The following CDH13 variants were observed in gnomAD, a reference collection of about 807,000 sequenced individuals.
CDH13 encodes cadherin-13.
In CDH13, 24 loss-of-function variants were observed where a neutral mutation model predicts 63.8. The ratio of observed to expected loss-of-function variants is 0.38; its 90% CI spans 0.27 to 0.53. CDH13 has a LOEUF of 0.53. CDH13 is among the 20% of genes least tolerant of loss of function. The pLI, the probability that CDH13 is intolerant of heterozygous loss-of-function variation, is 0.85. For synonymous variants in CDH13, 503 were observed against 355.3 expected, an observed-to-expected ratio of 1.42 and a Z score of -4.67; for missense variants, 1,049 against 903.1, an observed-to-expected ratio of 1.16 and a Z score of -2.07.
chr16:83,415,906 C>T (rs182474704), intron 6 of CDH13, among the ~76,000 whole-genome samples: 144 of 152,066 alleles, frequency 9.5e-4, no homozygotes, highest in African/African-American at 3.3e-3. Context: ...CTCACAGGAG[C>T]AAGTAGGCAA....
At chr16:83,098,169 C>G (rs140244362) in intron 3 of CDH13, among the ~76,000 whole-genome samples, 1 of 152,264 alleles carries the variant, frequency 6.6e-6, no homozygotes, top group Non-Finnish European at 1.5e-5. Flanking sequence ...CTTTGTCATC[C>G]TAGTGGTTGC....
rs79226665 is a variant in CDH13 at position 83,445,107 on chromosome 16, T to C, written c.782-41370T>C. Among the ~76,000 whole-genome samples the C allele has an allele frequency of 5.4e-3, 825 of 152,284 alleles. 8 individuals carry two copies. Among genetic ancestry groups the C allele is most frequent in the African/African-American group, 0.019 (800 of 41,558 alleles). On this transcript the variant is annotated intron_variant, in intron 6 of 13. Coordinates refer to ENST00000567109, the MANE Select transcript of CDH13 (RefSeq NM_001257.5). ...TGATATTTTTCATGGCAGTGGAGTC[T>C]GAATAAACTCACAGGTGTGACCTCC...
chr16:83,228,809 G>T (rs1597558084), intron 5 of CDH13, among the ~76,000 whole-genome samples: 1 of 152,154 alleles, frequency 6.6e-6, no homozygotes, highest in South Asian at 2.1e-4. Flanking sequence ...GACAAATGAT[G>T]GAGGATTTTA....
At chr16:83,722,758 T>C (rs1434768648) in intron 10 of CDH13, among the ~76,000 whole-genome samples, 1 of 152,212 alleles carries the variant, frequency 6.6e-6, no homozygotes, top group Non-Finnish European at 1.5e-5. Context: ...CTGAGCTATT[T>C]GGAAACCAGG....
chr16:82,961,428 C>T (rs1906969145), intron 2 of CDH13, among the ~76,000 whole-genome samples: 2 of 152,060 alleles, frequency 1.3e-5, no homozygotes, highest in Non-Finnish European at 2.9e-5. Context: ...GGTAAATCTT[C>T]TCCATACATA....
At chr16:83,396,583 A>T (rs2091890038) in intron 6 of CDH13, 2 of 152,094 alleles carry the variant, frequency 1.3e-5, no homozygotes, top group South Asian at 4.2e-4. Flanking sequence ...GTTAAGCTCT[A>T]TGTTGGCTTT....
At chr16:83,501,775 T>C (rs894218680) in intron 7 of CDH13, among the ~76,000 whole-genome samples, 1 of 152,212 alleles carries the variant, frequency 6.6e-6, no homozygotes, top group African/African-American at 2.4e-5. Flanking sequence ...GCACGGGACA[T>C]ATTGATGGAA....
chr16:83,037,497 G>A (rs1439741320), intron 3 of CDH13, among the ~76,000 whole-genome samples: 1 of 152,200 alleles, frequency 6.6e-6, no homozygotes, highest in African/African-American at 2.4e-5. Flanking sequence ...AGATTTGCCA[G>A]AAAGGAAGAA....
At chr16:83,374,894 A>T (rs530332393) in intron 6 of CDH13, among the ~76,000 whole-genome samples, 2 of 152,298 alleles carry the variant, frequency 1.3e-5, no homozygotes, top group Admixed American at 1.3e-4. Context: ...CCTTTCTACC[A>T]CATCCAAATG....
chr16:82,717,372 G>T (rs1324357453), intron 1 of CDH13, among the ~76,000 whole-genome samples: 2 of 150,542 alleles, frequency 1.3e-5, no homozygotes, highest in African/African-American at 4.9e-5. Context: ...GGAGGCGGAG[G>T]TTGCAGTGGA....
At chr16:83,493,329 A>G (rs913086215) in intron 7 of CDH13, among the ~76,000 whole-genome samples, 2 of 152,240 alleles carry the variant, frequency 1.3e-5, no homozygotes, top group African/African-American at 4.8e-5. Flanking sequence ...AAATTGAATG[A>G]AAGACAGAGC....
chr16:83,140,940 G>C (rs968702370), intron 4 of CDH13, among the ~76,000 whole-genome samples: 1 of 152,168 alleles, frequency 6.6e-6, no homozygotes. Flanking sequence ...AAAATGACCA[G>C]TTATCTTGGT....
intron 6 of CDH13, among the ~76,000 whole-genome samples, chr16:83,461,556 T>C (rs1040438162): frequency 1.3e-5 from 2 of 152,110 alleles, no homozygotes; most frequent in African/African-American, 4.8e-5. Flanking sequence ...GCACAAACAA[T>C]ATTGGGGTCT....
chr16:83,796,844 A>G lies in CDH13; in HGVS notation c.*1814A>G, dbSNP rs1448559819. The stretch of plus-strand genomic sequence containing the variant: ...TATAAAGGTAATTGCATACTCAAAG[A>G]TGAGACGGACCATTCTCAGTTGATG... On this transcript the variant is annotated 3_prime_UTR_variant, in exon 14 of 14. Transcript: ENST00000567109. 1 of 152,188 alleles carries G rather than the reference A, an allele frequency of 6.6e-6. No homozygotes were observed. Among genetic ancestry groups the G allele is most frequent in the Non-Finnish European group, 1.5e-5 (1 of 68,038 alleles). 9.4% of individuals were successfully genotyped at this position (152,188 alleles called of 1,614,324 possible).
chr16:82,746,523 T>C (rs532931219), intron 1 of CDH13, among the ~76,000 whole-genome samples: 1 of 152,124 alleles, frequency 6.6e-6, no homozygotes, highest in South Asian at 2.1e-4. Flanking sequence ...TTTTTAAAAA[T>C]CGGGTTATTA....
chr16:83,045,321 T>C (rs1917675843), intron 3 of CDH13, among the ~76,000 whole-genome samples: 1 of 152,016 alleles, frequency 6.6e-6, no homozygotes, highest in South Asian at 2.1e-4. Context: ...TTTCCAAATG[T>C]AAATGTCTGC....
At chr16:82,858,890 T>C (rs554675238) in intron 2 of CDH13, 13 of 194,636 alleles carry the variant, frequency 6.7e-5, no homozygotes, top group Non-Finnish European at 1.2e-4. Context: ...GAGTATGACA[T>C]TGGCTTCTGG....
At chr16:83,029,160 T>C (rs1916081696) in intron 2 of CDH13, among the ~76,000 whole-genome samples, 1 of 152,236 alleles carries the variant, frequency 6.6e-6, no homozygotes, top group Admixed American at 6.5e-5. Context: ...TTATCCACTA[T>C]TATTATCAGT....
At chr16:82,792,897 G>A (rs1351218980) in intron 1 of CDH13, among the ~76,000 whole-genome samples, 1 of 151,010 alleles carries the variant, frequency 6.6e-6, no homozygotes, top group Non-Finnish European at 1.5e-5. Context: ...GAAATGCCTG[G>A]CACTCTCCCA....
Sources: allele counts gnomAD v4.1 joint callset (sites outside exome capture counted in the v4.1 genomes callset), GRCh38; gene constraint gnomAD v4.1.1; transcripts MANE v1.5; gene names NCBI Gene and HGNC (gene_info 2026-07-23, HGNC 2026-07-21).